Variants in PHTF1 observed in about 807,000 individuals in gnomAD.
The protein encoded by PHTF1 is putative homeodomain transcription factor 1, also known as protein PHTF1.
Under a neutral mutation model 102.4 loss-of-function variants are expected in PHTF1, and 88 were observed. The observed-to-expected ratio is 0.86, with a 90% CI of 0.72 to 1.03. PHTF1 has a LOEUF of 1.03. PHTF1 is among the 50% of genes least tolerant of loss of function. The pLI is 0.00. For synonymous variants in PHTF1, 289 were observed against 305.2 expected (o/e 0.95, Z 0.55); for missense variants, 814 against 909.5 (o/e 0.89, Z 1.35).
rs570300438 is a variant in PHTF1 at position 113,726,282 on chromosome 1, T to C, written c.488+136A>G. The C allele has an allele frequency of 4.1e-4, 273 of 670,560 alleles. No individual in the cohort carries two copies. In the African/African-American group the frequency reaches 4.7e-3, roughly 12 times the overall value. The allele number at this position is 670,560 out of a possible 1,614,324, so 41.5% of individuals were successfully genotyped here. On this transcript the variant is annotated intron_variant, in intron 6 of 18. Coordinates refer to ENST00000369604, the MANE Select transcript of PHTF1 (RefSeq NM_001323043.2). ...CAGCATCAAGGAGAAAAGTGCAAAGTAATGCATTCATTTTCTAAGCCAAAA... is the reference window on the plus strand; with the variant it reads ...CAGCATCAAGGAGAAAAGTGCAAAGCAATGCATTCATTTTCTAAGCCAAAA...
Position 113,704,654 on chromosome 1 carries a change from A to C in PHTF1, c.1803+12T>G. 1 of 1,567,536 alleles carries C rather than the reference A, an allele frequency of 6.4e-7. No individual in the cohort carries two copies. Among genetic ancestry groups the C allele is most frequent in the Non-Finnish European group, 8.7e-7 (1 of 1,152,760 alleles). On this transcript the variant is annotated intron_variant, in intron 14 of 18. Transcript: ENST00000369604. The stretch of plus-strand genomic sequence containing the variant: ...CTTGCACATACTCTATTGTTAATCA[A>C]ATAAAACTCACCTTTAGATAGGAAC...
intron 10 of PHTF1, among the ~76,000 whole-genome samples, chr1:113,711,182 G>C (rs942292744): frequency 6.6e-6 from 1 of 152,064 alleles, no homozygotes; most frequent in Non-Finnish European, 1.5e-5. Context: ...CTCGTGAACA[G>C]GATTCAGCTC....
At chr1:113,707,970 C>G (rs924269058) in intron 11 of PHTF1, among the ~76,000 whole-genome samples, 12 of 151,906 alleles carry the variant, frequency 7.9e-5, no homozygotes, top group African/African-American at 2.9e-4. Context: ...CCCAGAGGCA[C>G]ATGAGGCCTG....
intron 3 of PHTF1, among the ~76,000 whole-genome samples, chr1:113,754,126 T>C (rs1272180821): frequency 6.6e-6 from 1 of 152,214 alleles, no homozygotes; most frequent in Non-Finnish European, 1.5e-5. Flanking sequence ...AAATATTGAA[T>C]ATGGCTGGGC....
chr1:113,701,504 A>G (rs1489908767), intron 15 of PHTF1, among the ~76,000 whole-genome samples: 2 of 152,134 alleles, frequency 1.3e-5, no homozygotes, highest in African/African-American at 2.4e-5. Context: ...CTCAAGCCCA[A>G]AGTAAGATGG....
In PHTF1 at chr1:113,706,497, A is replaced by G. The variant is rs1571093909; in HGVS notation, c.1398+97T>C. 1.3e-5 allele frequency: 11 copies of G among 851,558 alleles called. 1 individual carries two copies. The South Asian group carries it at 3.1e-4, about 24-fold the overall frequency. 52.8% of individuals were successfully genotyped at this position (851,558 alleles called of 1,614,324 possible). A position where few individuals can be genotyped will look rare whatever the true frequency, so the allele number is the denominator to read the frequency against. Reference sequence around the variant, plus strand: ...TATGATATATATGTGCTTCAAAAGCAGAGTCATACTGTTTTAATCACTAAG... The same window carrying G: ...TATGATATATATGTGCTTCAAAAGCGGAGTCATACTGTTTTAATCACTAAG... On this transcript the variant is annotated intron_variant, in intron 12 of 18. Transcript: ENST00000369604.
chr1:113,713,122 A>G (rs1431186286), intron 8 of PHTF1, among the ~76,000 whole-genome samples, 157 bp downstream of exon 8: 1 of 152,228 alleles, frequency 6.6e-6, no homozygotes, highest in Non-Finnish European at 1.5e-5. Flanking sequence ...ACTAAGTTCC[A>G]GTCTTCATGT....
At chr1:113,728,003 G>A (rs1024200297) in intron 5 of PHTF1, among the ~76,000 whole-genome samples, 2 of 151,944 alleles carry the variant, frequency 1.3e-5, no homozygotes, top group Non-Finnish European at 2.9e-5. Context: ...TTGGTGAAGC[G>A]GAAATGGACA....
Position 113,697,729 on chromosome 1 carries a change from A to T in PHTF1, c.2269-4T>A. On this transcript the variant is annotated splice_region_variant and splice_polypyrimidine_tract_variant and intron_variant, in intron 18 of 18. Coordinates refer to ENST00000369604, the MANE Select transcript of PHTF1 (RefSeq NM_001323043.2). ...CTTATGATTTAATTTTCCACAGCTAAGAGAACAAAATCACCAAAATAAGTT... is the reference window on the plus strand; with the variant it reads ...CTTATGATTTAATTTTCCACAGCTATGAGAACAAAATCACCAAAATAAGTT... 1.2e-6 allele frequency: 2 copies of T among 1,603,924 alleles called. No homozygotes were observed. Among genetic ancestry groups the T allele is most frequent in the Non-Finnish European group, 1.7e-6 (2 of 1,170,784 alleles).
chr1:113,744,707 T>C (rs1260954567), intron 3 of PHTF1, among the ~76,000 whole-genome samples: 1 of 152,150 alleles, frequency 6.6e-6, no homozygotes, highest in Non-Finnish European at 1.5e-5. Flanking sequence ...CCCAGCACTT[T>C]GGGAGGCTGA....
chr1:113,738,773 C>T lies in PHTF1; in HGVS notation c.129G>A (p.Met43Ile). 1 of 1,603,610 alleles carries T rather than the reference C, an allele frequency of 6.2e-7. No homozygotes were observed. The highest frequency in any genetic ancestry group is 8.5e-7 in the Non-Finnish European group (1 of 1,174,736). ...IKGLKNKPKK[M>I]GHIKPDLIDV... Reference sequence around the variant, plus strand: ...CAATCAAGTCTGGCTTTATGTGGCCCATCTTTTTCGGTTTGTTTTTCAAAC... The same window carrying T: ...CAATCAAGTCTGGCTTTATGTGGCCTATCTTTTTCGGTTTGTTTTTCAAAC... The change falls in exon 4 of 19, where the codon ATG becomes ATA. Residue 43 changes from methionine to isoleucine, a missense_variant. Met to Ile is a conservative substitution (Grantham distance 10). Transcript: ENST00000369604.
intron 3 of PHTF1, among the ~76,000 whole-genome samples, chr1:113,750,640 T>C (rs1044799009): frequency 2.7e-5 from 4 of 149,530 alleles, no homozygotes; most frequent in African/African-American, 7.4e-5. Flanking sequence ...AGGCAGATCA[T>C]GAAATCAAGA....
At chr1:113,702,645 G>A (rs963157171) in intron 15 of PHTF1, among the ~76,000 whole-genome samples, 1 of 151,322 alleles carries the variant, frequency 6.6e-6, no homozygotes, top group African/African-American at 2.4e-5. Context: ...CCGGCTACCA[G>A]AAAAAAAAGG....
At chr1:113,737,810 C>CA (rs1362652762) in intron 5 of PHTF1, among the ~76,000 whole-genome samples, 2 of 151,972 alleles carry the variant, frequency 1.3e-5, no homozygotes, top group African/African-American at 4.8e-5. Flanking sequence ...AAAACAAAAA[C>CA]AAAAAACACA....
At chr1:113,743,744 G>A (rs900481083) in intron 3 of PHTF1, among the ~76,000 whole-genome samples, 2 of 152,098 alleles carry the variant, frequency 1.3e-5, no homozygotes, top group Admixed American at 1.3e-4. Flanking sequence ...AATCTTATGG[G>A]ACCATTGTCG....
intron 8 of PHTF1, 25 bp from the exon 9 acceptor site, chr1:113,712,138 CA>C (rs1167588432): frequency 6.3e-7 from 1 of 1,596,584 alleles, no homozygotes; most frequent in African/African-American, 1.3e-5. Context: ...GCAATACCTT[CA>C]CAGGGGACAG....
At chr1:113,733,060 A>ATTTTTTTTTTTTT (rs386368123) in intron 5 of PHTF1, among the ~76,000 whole-genome samples, 6 of 84,168 alleles carry the variant, frequency 7.1e-5, no homozygotes, top group African/African-American at 1.5e-4. Flanking sequence ...CGCCTGGCTA[A>ATTTTTTTTTTTTT]TTTTTTTTTT....
rs80319905 is a variant in PHTF1 at position 113,758,643 on chromosome 1, T to C, written c.45+16A>G. The C allele has an allele frequency of 3.5e-6, 5 of 1,439,696 alleles. No individual in the cohort carries two copies. The highest frequency in any genetic ancestry group is 1.4e-5 in the African/African-American group (1 of 69,500). The allele number at this position is 1,439,696 out of a possible 1,614,324, so 89.2% of individuals were successfully genotyped here. On this transcript the variant is annotated intron_variant, in intron 2 of 18. Transcript: ENST00000369604. Reference sequence around the variant, plus strand: ...AAGAATGCTTTACAAATAAAAAAAATATATATATGTATTACCTTCTTTTGG... The same window carrying C: ...AAGAATGCTTTACAAATAAAAAAAACATATATATGTATTACCTTCTTTTGG...
chr1:113,747,092 T>G (rs2101664375), intron 3 of PHTF1: 1 of 152,318 alleles, frequency 6.6e-6, no homozygotes, highest in African/African-American at 2.4e-5. Flanking sequence ...CTTAAAACAA[T>G]GCAAGACATA....
Sources: allele counts gnomAD v4.1 joint callset (sites outside exome capture counted in the v4.1 genomes callset), GRCh38; gene constraint gnomAD v4.1.1; transcripts MANE v1.5; gene names NCBI Gene and HGNC (gene_info 2026-07-23, HGNC 2026-07-21).